Variants in CCDC60 observed in about 807,000 individuals in gnomAD.
CCDC60 encodes the protein coiled-coil domain-containing protein 60.
CCDC60 carries 54 observed loss-of-function variants against 63.5 expected under a neutral mutation model. The ratio of observed to expected loss-of-function variants is 0.85; its 90% CI spans 0.68 to 1.07. The LOEUF (loss-of-function observed/expected upper bound fraction) is 1.07, where lower values mean the gene tolerates loss of function less well. Ranked by LOEUF, CCDC60 falls within the 50% of genes least tolerant of loss-of-function variation. The probability of loss-of-function intolerance (pLI) is 0.00; values close to 1 mark genes in which losing one functional copy is unlikely to be tolerated. For missense variants in CCDC60, 651 were observed against 684.3 expected (o/e 0.95, Z 0.54); for synonymous variants, 206 against 238.8 (o/e 0.86, Z 1.27).
chr12:119,371,906 T>C (rs1955902079), intron 1 of CCDC60, among the ~76,000 whole-genome samples: 1 of 152,132 alleles, frequency 6.6e-6, no homozygotes, highest in Non-Finnish European at 1.5e-5. Flanking sequence ...AAGGACTCTC[T>C]CAATCTGGTG....
intron 4 of CCDC60, among the ~76,000 whole-genome samples, chr12:119,480,238 G>A (rs1304428306): frequency 6.6e-6 from 1 of 152,114 alleles, no homozygotes; most frequent in Non-Finnish European, 1.5e-5. Context: ...TTGTGTAGGT[G>A]TATCATTATC....
At chr12:119,539,523 G>A (rs1312166014) in intron 13 of CCDC60, among the ~76,000 whole-genome samples, 8 of 152,270 alleles carry the variant, frequency 5.3e-5, no homozygotes, top group African/African-American at 1.2e-4. Context: ...AATGGCGGAC[G>A]TCCCTCCCCC....
intron 5 of CCDC60, among the ~76,000 whole-genome samples, chr12:119,496,149 G>T (rs776718503): frequency 6.6e-6 from 1 of 152,102 alleles, no homozygotes; most frequent in Non-Finnish European, 1.5e-5. Flanking sequence ...TTTGACCTCT[G>T]CCCCCGCCCT....
chr12:119,521,319 C>T (rs1952522667), intron 9 of CCDC60, among the ~76,000 whole-genome samples: 1 of 152,014 alleles, frequency 6.6e-6, no homozygotes, highest in African/African-American at 2.4e-5. Flanking sequence ...ATTCATGGAC[C>T]CCTTGAATTC....
At chr12:119,373,666 GT>G (rs1488294695) in intron 1 of CCDC60, among the ~76,000 whole-genome samples, 8,694 of 76,444 alleles carry the variant, frequency 0.11, 300 homozygotes, top group East Asian at 0.17. Context: ...CCGGGGTGGG[GT>G]GGGGGGGGGT....
chr12:119,479,995 TACACACACACACACACACACAC>T lies in CCDC60; in HGVS notation c.449+823_449+844del, dbSNP rs56080581. ...GTGCATGAGCCCCCACCGTACATCATACACACACACACACACACACACACACACACACACACACACACACACA... is the reference window on the plus strand; with the variant it reads ...GTGCATGAGCCCCCACCGTACATCATACACACACACACACACACACACACA... On this transcript the variant is annotated intron_variant, in intron 4 of 13. Transcript: ENST00000327554. Among the ~76,000 whole-genome samples the T allele has an allele frequency of 1.6e-4, 19 of 122,076 alleles. No homozygotes were observed. The East Asian group carries it at 3.5e-3, about 23-fold the overall frequency. 80.1% of individuals were successfully genotyped at this position (122,076 alleles called of 152,430 possible). A position where few individuals can be genotyped will look rare whatever the true frequency, so the allele number is the denominator to read the frequency against.
intron 2 of CCDC60, among the ~76,000 whole-genome samples, chr12:119,459,353 G>A (rs1389845827): frequency 2.6e-5 from 4 of 152,134 alleles, no homozygotes; most frequent in African/African-American, 7.2e-5. Flanking sequence ...TTATGACAGT[G>A]AGAAAAATCT....
chr12:119,344,644 C>T lies in CCDC60; in HGVS notation c.90+9378C>T, dbSNP rs143016679. Among the ~76,000 whole-genome samples the T allele has an allele frequency of 2.9e-3, 435 of 152,198 alleles. 4 individuals carry two copies. Among genetic ancestry groups the T allele is most frequent in the South Asian group, 6.4e-3 (31 of 4,814 alleles). On this transcript the variant is annotated intron_variant, in intron 1 of 13. Coordinates refer to ENST00000327554, the MANE Select transcript of CCDC60 (RefSeq NM_178499.5). Reference sequence around the variant, plus strand: ...TCCCCTTGTTAAAACAATTCAATGACCCTCTATTGTCCTGAAAATGAAGAC... The same window carrying T: ...TCCCCTTGTTAAAACAATTCAATGATCCTCTATTGTCCTGAAAATGAAGAC...
intron 11 of CCDC60, chr12:119,524,516 T>A: frequency 4.5e-6 from 4 of 894,832 alleles, no homozygotes; most frequent in South Asian, 5.1e-5. Context: ...GGGGCTAGGG[T>A]TGGAGAAGAC....
Position 119,496,523 on chromosome 12 carries a change from C to T in CCDC60, c.558-3555C>T, listed in dbSNP as rs529588262. On this transcript the variant is annotated intron_variant, in intron 5 of 13. Coordinates refer to ENST00000327554, the MANE Select transcript of CCDC60 (RefSeq NM_178499.5). ...GCCCTAGTACCCTGTTGTCTACCAT[C>T]AGCTCCTCCTCTAAGCCACAGTAAA... 3.9e-5 allele frequency among the ~76,000 whole-genome samples: 6 copies of T among 152,308 alleles called. No homozygotes were observed. The South Asian group carries it at 1.2e-3, about 32-fold the overall frequency.
chr12:119,486,367 T>A (rs1951439048), intron 4 of CCDC60, among the ~76,000 whole-genome samples: 1 of 151,740 alleles, frequency 6.6e-6, no homozygotes, highest in South Asian at 2.1e-4. Flanking sequence ...GAAGTCCCCA[T>A]CTCTACAAAA....
At chr12:119,511,846 G>C (rs2136457486) in intron 7 of CCDC60, among the ~76,000 whole-genome samples, 1 of 152,322 alleles carries the variant, frequency 6.6e-6, no homozygotes, top group South Asian at 2.1e-4. Flanking sequence ...TGGTTCTAAA[G>C]AGAAGGGAAG....
At chr12:119,530,819 G>T in intron 12 of CCDC60, 55 bp from the exon 13 acceptor site, 2 of 1,478,548 alleles carry the variant, frequency 1.4e-6, no homozygotes, top group Non-Finnish European at 1.9e-6. Flanking sequence ...GATGGCCAGA[G>T]GTGCTCAGAT....
At position 119,455,995 on chromosome 12, in the gene CCDC60, G is replaced by GAA. The variant is rs1555245360; in HGVS notation, c.171-15998_171-15997insAA. ...GGAGGGAGGGAGAGAGAAAGAGAGAGAGAAAGAGAAAGAAAGAAAGAAAGA... is the reference window on the plus strand; with the variant it reads ...GGAGGGAGGGAGAGAGAAAGAGAGAGAAAGAAAGAGAAAGAAAGAAAGAAAGA... On this transcript the variant is annotated intron_variant, in intron 2 of 13. Coordinates refer to ENST00000327554, the MANE Select transcript of CCDC60 (RefSeq NM_178499.5). 2.5e-4 allele frequency among the ~76,000 whole-genome samples: 20 copies of GAA among 79,562 alleles called. 3 individuals carry two copies. The highest frequency in any genetic ancestry group is 1.4e-3 in the Admixed American group (9 of 6,444). 52.2% of individuals were successfully genotyped at this position (79,562 alleles called of 152,430 possible).
At chr12:119,353,824 G>A (rs2136156612) in intron 1 of CCDC60, among the ~76,000 whole-genome samples, 1 of 152,234 alleles carries the variant, frequency 6.6e-6, no homozygotes, top group African/African-American at 2.4e-5. Flanking sequence ...TGTAATCCCA[G>A]CACTTTGGTA....
In CCDC60 at chr12:119,410,621, C is replaced by T. The variant is rs1956579471; in HGVS notation, c.91-18062C>T. Among the ~76,000 whole-genome samples, 1 of 152,146 alleles carries T rather than the reference C, an allele frequency of 6.6e-6. No homozygotes were observed. The highest frequency in any genetic ancestry group is 1.5e-5 in the Non-Finnish European group (1 of 68,022). ...CCCATACTCTGCATTCCAACCATTC[C>T]AGCTCCTTCTGGTTCCTTCTGTCTG... On this transcript the variant is annotated intron_variant, in intron 1 of 13. Coordinates refer to ENST00000327554, the MANE Select transcript of CCDC60 (RefSeq NM_178499.5). The surrounding 1 kb of genome is among the most constrained non-coding windows in gnomAD (Gnocchi z 4.0).
At chr12:119,469,759 TTG>T (rs1311871969) in intron 2 of CCDC60, among the ~76,000 whole-genome samples, 5 of 152,144 alleles carry the variant, frequency 3.3e-5, no homozygotes, top group Non-Finnish European at 5.9e-5. Flanking sequence ...TGGCCAATGA[TTG>T]TAAGATGCAG....
intron 1 of CCDC60, among the ~76,000 whole-genome samples, chr12:119,417,106 G>A (rs11835703): frequency 0.062 from 9,444 of 152,036 alleles, 657 homozygotes; most frequent in East Asian, 0.28. Context: ...GGCAACAAGA[G>A]CGAAACTCTG....
At chr12:119,353,457 TCA>T (rs1491033930) in intron 1 of CCDC60, among the ~76,000 whole-genome samples, 1 of 150,224 alleles carries the variant, frequency 6.7e-6, no homozygotes, top group Non-Finnish European at 1.5e-5. Flanking sequence ...TCTCTCTCTC[TCA>T]CTCTCTGTCC....
Sources: allele counts gnomAD v4.1 joint callset (sites outside exome capture counted in the v4.1 genomes callset), GRCh38; gene constraint gnomAD v4.1.1; non-coding constraint Gnocchi (gnomAD v3.1); transcripts MANE v1.5; gene names NCBI Gene and HGNC (gene_info 2026-07-23, HGNC 2026-07-21).